Variants in TBC1D1 observed in about 807,000 individuals in gnomAD.
TBC1D1 encodes the protein TBC1 domain family member 1.
A neutral mutation model predicts 125.6 loss-of-function variants in TBC1D1; 89 were observed. That is an observed-to-expected ratio of 0.71 (90% CI 0.60 to 0.85). The LOEUF is 0.85. TBC1D1 is among the 40% of genes least tolerant of loss of function. The probability of loss-of-function intolerance (pLI) is 0.00; values close to 1 mark genes in which losing one functional copy is unlikely to be tolerated. For missense variants in TBC1D1, 1,377 were observed against 1,469.2 expected (o/e 0.94, Z 1.03); for synonymous variants, 565 against 564.1 (o/e 1.00, Z -0.02).
intron 11 of TBC1D1, 74 bp downstream of exon 12, chr4:38,052,134 A>T: frequency 7.0e-7 from 1 of 1,422,254 alleles, no homozygotes; most frequent in Non-Finnish European, 9.6e-7. Context: ...GATGTGCTGA[A>T]TGGGGGGAAT....
rs1214203375 is a variant in TBC1D1, at chr4:38,129,983, CT to C, written c.3133-3098del. On this transcript the variant is annotated intron_variant, in intron 18 of 19. Transcript: ENST00000261439. ...CCCAAGCCAGTAAAATATTCATACC[CT>C]TTGACTCAGTCATCCCGTTTCTTGG... is the stretch of plus-strand genomic sequence containing the variant. Among the ~76,000 whole-genome samples, 5 of 152,306 alleles carry C rather than the reference CT, an allele frequency of 3.3e-5. No homozygotes were observed. In the East Asian group the frequency reaches 9.6e-4, roughly 29 times the overall value.
chr4:38,039,456 A>G (rs1305852018), intron 8 of TBC1D1, among the ~76,000 whole-genome samples: 1 of 152,050 alleles, frequency 6.6e-6, no homozygotes, highest in African/African-American at 2.4e-5. Context: ...TCCACTTAGC[A>G]TAACGTTTCT....
chr4:38,100,791 CTT>C (rs1427978492), intron 14 of TBC1D1, among the ~76,000 whole-genome samples: 1 of 152,180 alleles, frequency 6.6e-6, no homozygotes, highest in African/African-American at 2.4e-5. Flanking sequence ...CCCAGTGAGA[CTT>C]TTGAATCTGT....
intron 18 of TBC1D1, chr4:38,132,572 A>C (rs1765761781): frequency 6.1e-6 from 1 of 164,178 alleles, no homozygotes; most frequent in Non-Finnish European, 1.5e-5. Flanking sequence ...TTTGTGTGCA[A>C]AGGAGAGTTT....
intron 2 of TBC1D1, among the ~76,000 whole-genome samples, chr4:38,000,362 G>A (rs147561390): frequency 6.6e-6 from 1 of 152,236 alleles, no homozygotes; most frequent in Non-Finnish European, 1.5e-5. Context: ...CATTACAGAT[G>A]GAGTATCCCT....
intron 10 of TBC1D1, among the ~76,000 whole-genome samples, chr4:38,046,245 A>G (rs976789395): frequency 2.4e-4 from 36 of 151,942 alleles, no homozygotes; most frequent in African/African-American, 8.2e-4. Context: ...GGTGGCGGGC[A>G]CCCGTAGTCC....
At chr4:38,121,426 G>A (rs969467588) in intron 17 of TBC1D1, among the ~76,000 whole-genome samples, 4 of 152,202 alleles carry the variant, frequency 2.6e-5, no homozygotes, top group Non-Finnish European at 5.9e-5. Flanking sequence ...GTTGTTCCCA[G>A]CGAATACAGT....
At chr4:38,004,286 T>G (rs1422691931) in intron 2 of TBC1D1, among the ~76,000 whole-genome samples, 1 of 152,184 alleles carries the variant, frequency 6.6e-6, no homozygotes, top group East Asian at 1.9e-4. Context: ...CCGGATGGAA[T>G]GTTTGTGGTC....
chr4:38,114,194 G>A (rs1245591610), intron 15 of TBC1D1, among the ~76,000 whole-genome samples: 2 of 152,214 alleles, frequency 1.3e-5, no homozygotes, highest in Non-Finnish European at 2.9e-5. Context: ...CAGGCTAACA[G>A]AGTGGATAAT....
chr4:38,056,644 A>G (rs1751762854), intron 12 of TBC1D1, among the ~76,000 whole-genome samples: 1 of 152,154 alleles, frequency 6.6e-6, no homozygotes, highest in Admixed American at 6.5e-5. Context: ...CCCTGTCTCT[A>G]CAAAAAAATA....
chr4:37,973,386 T>C (rs993845206), intron 2 of TBC1D1, among the ~76,000 whole-genome samples: 2 of 151,964 alleles, frequency 1.3e-5, no homozygotes, highest in African/African-American at 2.4e-5. Context: ...CATTGAGGAT[T>C]TGGCCTGTTT....
intron 16 of TBC1D1, 56 bp downstream of exon 18, chr4:38,116,010 C>T: frequency 1.3e-6 from 2 of 1,587,068 alleles, no homozygotes; most frequent in Non-Finnish European, 1.7e-6. Flanking sequence ...TGTTTCTTAT[C>T]CCTCTCCAGA....
intron 15 of TBC1D1, among the ~76,000 whole-genome samples, chr4:38,107,908 A>G (rs79303531): frequency 0.025 from 3,836 of 151,978 alleles, 88 homozygotes; most frequent in East Asian, 0.087. Flanking sequence ...TGCCCACTCC[A>G]TGCCAGCACA....
chr4:38,115,332 C>A (rs1466175456), intron 15 of TBC1D1, among the ~76,000 whole-genome samples: 1 of 152,042 alleles, frequency 6.6e-6, no homozygotes, highest in Non-Finnish European at 1.5e-5. Flanking sequence ...GAACTCCTGA[C>A]CTCAGGCGAT....
chr4:37,988,888 A>G (rs934368256), intron 2 of TBC1D1, among the ~76,000 whole-genome samples: 1 of 152,224 alleles, frequency 6.6e-6, no homozygotes, highest in African/African-American at 2.4e-5. Flanking sequence ...ATTCAGGCAC[A>G]ACTGACCAGC....
At chr4:38,100,868 G>T (rs972863650) in intron 14 of TBC1D1, among the ~76,000 whole-genome samples, 1 of 152,090 alleles carries the variant, frequency 6.6e-6, no homozygotes, top group African/African-American at 2.4e-5. Flanking sequence ...TTGCAAGATA[G>T]GAACACAAAA....
chr4:37,998,958 G>C (rs1362551853), intron 2 of TBC1D1, among the ~76,000 whole-genome samples: 3 of 151,952 alleles, frequency 2.0e-5, no homozygotes, highest in Admixed American at 6.5e-5. Context: ...GAAAGTGAAG[G>C]CTTTTCCACT....
intron 12 of TBC1D1, among the ~76,000 whole-genome samples, chr4:38,079,927 C>T (rs16994199): frequency 0.045 from 6,896 of 152,264 alleles, 196 homozygotes; most frequent in Middle Eastern, 0.078. Flanking sequence ...AAGTGCTGAA[C>T]GCCAAAGGCC....
At chr4:37,990,685 A>T (rs1334600590) in intron 2 of TBC1D1, among the ~76,000 whole-genome samples, 1 of 152,330 alleles carries the variant, frequency 6.6e-6, no homozygotes, top group East Asian at 1.9e-4. Flanking sequence ...TTTTTATCAC[A>T]CTAGTGTTTC....
Sources: allele counts gnomAD v4.1 joint callset (sites outside exome capture counted in the v4.1 genomes callset), GRCh38; gene constraint gnomAD v4.1.1; transcripts MANE v1.5; gene names NCBI Gene and HGNC (gene_info 2026-07-23, HGNC 2026-07-21).